The following GPR176 variants were observed in gnomAD, a reference collection of about 807,000 sequenced individuals.
GPR176 encodes G-protein coupled receptor 176.
A neutral mutation model predicts 35.4 loss-of-function variants in GPR176; 26 were observed. The observed-to-expected ratio is 0.74, with a 90% CI of 0.54 to 1.02. The LOEUF is 1.02. Ranked by LOEUF, GPR176 falls within the 50% of genes least tolerant of loss-of-function variation. GPR176 has a pLI of 0.00. For synonymous variants in GPR176, 278 were observed against 271.3 expected, an observed-to-expected ratio of 1.02 and a Z score of -0.24; for missense variants, 597 against 665.3, an observed-to-expected ratio of 0.90 and a Z score of 1.13.
At chr15:39,863,687 T>G (rs2031707275) in intron 1 of GPR176, among the ~76,000 whole-genome samples, 1 of 152,222 alleles carries the variant, frequency 6.6e-6, no homozygotes, top group Admixed American at 6.5e-5. Context: ...GCAAGCTCCA[T>G]TCATGTTAAG....
At chr15:39,916,960 A>T (rs1036387203) in intron 1 of GPR176, among the ~76,000 whole-genome samples, 2 of 152,174 alleles carry the variant, frequency 1.3e-5, no homozygotes, top group African/African-American at 4.8e-5. Context: ...TGAATGGGAC[A>T]AGTCCTTAGA....
chr15:39,829,236 T>C, intron 1 of GPR176: 3 of 1,483,490 alleles, frequency 2.0e-6, no homozygotes, highest in African/African-American at 1.4e-5. Flanking sequence ...AGACCAAAGA[T>C]GTGTCGCTGG....
At position 39,801,697 on chromosome 15, in the gene GPR176, C is replaced by T. The variant is rs761921765; in HGVS notation, c.983G>A (p.Arg328His). The part of the protein sequence containing the change: ...VLFLTVNKSV[R>H]KCLIGTLVQL... ...CACCAGGGTCCCTATCAAGCACTTG[C>T]GGACAGATTTGTTCACAGTAAGAAA... The change falls in exon 3 of 3, where the codon CGC (arginine) becomes CAC (histidine). Residue 328 changes from arginine to histidine, a missense_variant. Coordinates refer to ENST00000561100, the MANE Select transcript of GPR176 (RefSeq NM_007223.3). 42 of 1,613,186 alleles carry T rather than the reference C, an allele frequency of 2.6e-5. No homozygotes were observed. Among genetic ancestry groups the T allele is most frequent in the Non-Finnish European group, 3.4e-5 (40 of 1,179,368 alleles).
At chr15:39,822,961 T>G (rs1900376847) in intron 1 of GPR176, among the ~76,000 whole-genome samples, 2 of 152,240 alleles carry the variant, frequency 1.3e-5, no homozygotes, top group South Asian at 4.1e-4. Flanking sequence ...GCCTATGGGA[T>G]GACCTTAACC....
At chr15:39,853,435 T>C (rs1014188478) in intron 1 of GPR176, among the ~76,000 whole-genome samples, 1 of 152,156 alleles carries the variant, frequency 6.6e-6, no homozygotes, top group African/African-American at 2.4e-5. Flanking sequence ...TGCTGTTCAA[T>C]GGATGTAGAG....
intron 1 of GPR176, among the ~76,000 whole-genome samples, chr15:39,860,570 C>T (rs1198967505): frequency 6.6e-6 from 1 of 152,130 alleles, no homozygotes; most frequent in Non-Finnish European, 1.5e-5. Context: ...GAGAAAATGC[C>T]TTAGTTTATA....
At chr15:39,910,001 G>T in intron 1 of GPR176, 1 of 334,314 alleles carries the variant, frequency 3.0e-6, no homozygotes, top group Non-Finnish European at 4.3e-6. Flanking sequence ...AGGATCTGTT[G>T]TCTGCAACTA....
intron 1 of GPR176, among the ~76,000 whole-genome samples, chr15:39,911,848 C>G (rs557852556): frequency 6.6e-4 from 101 of 152,334 alleles, no homozygotes; most frequent in Non-Finnish European, 1.2e-3. Context: ...ACCCATTTCT[C>G]TCTCTTACCT....
At chr15:39,860,267 C>T (rs112781749) in intron 1 of GPR176, among the ~76,000 whole-genome samples, 38 of 152,346 alleles carry the variant, frequency 2.5e-4, no homozygotes, top group African/African-American at 8.4e-4. Flanking sequence ...GGCCGGGGTT[C>T]AGGCTGATGA....
chr15:39,914,529 G>T (rs1288061226), intron 1 of GPR176, among the ~76,000 whole-genome samples: 6 of 152,010 alleles, frequency 3.9e-5, no homozygotes. Context: ...TGGCCAGGCT[G>T]GTCTCGAACA....
intron 1 of GPR176, among the ~76,000 whole-genome samples, chr15:39,877,931 C>A (rs569533193): frequency 1.3e-5 from 2 of 152,146 alleles, no homozygotes; most frequent in South Asian, 4.2e-4. Context: ...ATGACACAGC[C>A]GCATTTTCCT....
rs531537607 is a variant in GPR176 at position 39,863,321 on chromosome 15, G to A, written c.173-56063C>T. On this transcript the variant is annotated intron_variant, in intron 1 of 2. Transcript: ENST00000561100. ...TAGTCTTGATCTCCTGTATGTCTTA[G>A]TTTTTAACAAAAAGTTTAAAAGTTT... Among the ~76,000 whole-genome samples, 12 of 151,160 alleles carry A rather than the reference G, an allele frequency of 7.9e-5. No homozygotes were observed. The South Asian group carries it at 1.5e-3, about 18-fold the overall frequency.
chr15:39,814,050 T>C (rs1214914001), intron 1 of GPR176, among the ~76,000 whole-genome samples: 5 of 152,194 alleles, frequency 3.3e-5, no homozygotes, highest in African/African-American at 9.6e-5. Flanking sequence ...AACCATGGCA[T>C]GTGAGAAAGT....
At chr15:39,858,982 G>T (rs2031421369) in intron 1 of GPR176, among the ~76,000 whole-genome samples, 1 of 151,970 alleles carries the variant, frequency 6.6e-6, no homozygotes, top group African/African-American at 2.4e-5. Flanking sequence ...CCTGACCTCA[G>T]GTGGTCCACC....
chr15:39,869,201 G>A (rs1437729444), intron 1 of GPR176, among the ~76,000 whole-genome samples: 2 of 145,456 alleles, frequency 1.4e-5, no homozygotes, highest in Admixed American at 6.8e-5. Flanking sequence ...TTTTTATTTT[G>A]CTATTTTAGG....
chr15:39,845,300 C>T (rs943462907), intron 1 of GPR176, among the ~76,000 whole-genome samples: 1 of 151,990 alleles, frequency 6.6e-6, no homozygotes, highest in Non-Finnish European at 1.5e-5. Flanking sequence ...AAAGCAGAAA[C>T]ACAATTATTG....
intron 1 of GPR176, among the ~76,000 whole-genome samples, chr15:39,821,683 T>C (rs1191481747): frequency 6.6e-6 from 1 of 152,224 alleles, no homozygotes; most frequent in Admixed American, 6.5e-5. Context: ...ACCAAATAGA[T>C]TTTATATACT....
chr15:39,897,186 A>C (rs2033138200), intron 1 of GPR176, among the ~76,000 whole-genome samples: 1 of 152,216 alleles, frequency 6.6e-6, no homozygotes, highest in African/African-American at 2.4e-5. Flanking sequence ...GACCCTGAGG[A>C]AAAGGAAATT....
intron 1 of GPR176, among the ~76,000 whole-genome samples, chr15:39,821,055 G>C (rs1041110912): frequency 1.3e-5 from 2 of 152,172 alleles, no homozygotes; most frequent in Admixed American, 1.3e-4. Flanking sequence ...CAGTGACACA[G>C]ATACGCAGAG....
Sources: allele counts gnomAD v4.1 joint callset (sites outside exome capture counted in the v4.1 genomes callset), GRCh38; gene constraint gnomAD v4.1.1; transcripts MANE v1.5; gene names NCBI Gene and HGNC (gene_info 2026-07-23, HGNC 2026-07-21).